ERBB4: variants seen among roughly 807,000 people sequenced by gnomAD.
ERBB4 encodes the protein receptor tyrosine-protein kinase erbB-4.
A neutral mutation model predicts 158.0 loss-of-function variants in ERBB4; 42 were observed. That is an observed-to-expected ratio of 0.27 (90% CI 0.21 to 0.34). The LOEUF (loss-of-function observed/expected upper bound fraction) is 0.34, where lower values mean the gene tolerates loss of function less well. Ranked by LOEUF, ERBB4 falls within the 10% of genes least tolerant of loss-of-function variation. The probability of loss-of-function intolerance (pLI) is 1.00; values close to 1 mark genes in which losing one functional copy is unlikely to be tolerated. For missense variants in ERBB4, 1,333 were observed against 1,624.1 expected, an observed-to-expected ratio of 0.82 and a Z score of 3.08; for synonymous variants, 583 against 558.7, an observed-to-expected ratio of 1.04 and a Z score of -0.61.
chr2:212,121,935 A>G (rs1437795444), intron 2 of ERBB4, among the ~76,000 whole-genome samples: 1 of 152,048 alleles, frequency 6.6e-6, no homozygotes, highest in African/African-American at 2.4e-5. Flanking sequence ...CTTTTCCTGA[A>G]TCCTTTAGAT....
At chr2:211,611,975 G>T (rs924521271) in intron 19 of ERBB4, among the ~76,000 whole-genome samples, 2 of 152,050 alleles carry the variant, frequency 1.3e-5, no homozygotes, top group African/African-American at 4.8e-5. Context: ...CCTCCTCAAA[G>T]GGTTTTCAGA....
Position 211,387,005 on chromosome 2 carries a change from G to A in ERBB4, c.3329C>T (p.Thr1110Ile), listed in dbSNP as rs759088587. Reference sequence around the variant, plus strand: ...ATGGGGTGCCACTGGCTTGCGTAGGGTGCCATTACAGCAGGAGTCATCAAA... The same window carrying A: ...ATGGGGTGCCACTGGCTTGCGTAGGATGCCATTACAGCAGGAGTCATCAAA... The part of the protein sequence containing the change: ...EIFDDSCCNG[T>I]LRKPVAPHVQ... The change falls in exon 27 of 28, where the codon ACC becomes ATC. Residue 1110 changes from threonine to isoleucine, a missense_variant. Thr to Ile is a moderately conservative substitution (Grantham distance 89). Coordinates refer to ENST00000342788, the MANE Select transcript of ERBB4 (RefSeq NM_005235.3). The A allele has an allele frequency of 1.2e-6, 2 of 1,614,042 alleles. No homozygotes were observed. The highest frequency in any genetic ancestry group is 2.2e-5 in the South Asian group (2 of 91,072).
At chr2:211,602,528 C>G (rs996348161) in intron 19 of ERBB4, among the ~76,000 whole-genome samples, 3 of 152,064 alleles carry the variant, frequency 2.0e-5, no homozygotes, top group Admixed American at 2.0e-4. Context: ...TTTCTCCTAC[C>G]CCCTGGCCAA....
chr2:212,103,618 A>G (rs67300756), intron 2 of ERBB4, among the ~76,000 whole-genome samples: 15,892 of 151,932 alleles, frequency 0.1, 1,754 homozygotes, highest in East Asian at 0.62. Context: ...GAGGACATAC[A>G]CCAAATTTTA....
At chr2:212,258,568 C>A (rs373663171) in intron 1 of ERBB4, among the ~76,000 whole-genome samples, 32 of 149,070 alleles carry the variant, frequency 2.1e-4, no homozygotes, top group Middle Eastern at 7.2e-3. Context: ...TTCATTCCAA[C>A]AAGCCAGGGA....
Position 211,420,472 on chromosome 2 carries a change from T to C in ERBB4, c.3104A>G (p.Tyr1035Cys). The C allele has an allele frequency of 6.2e-7, 1 of 1,612,404 alleles. No individual in the cohort carries two copies. The highest frequency in any genetic ancestry group is 8.5e-7 in the Non-Finnish European group (1 of 1,178,744). ...CGAGTCAATTCTTGCTCTGGAAGTA[T>C]AGATGGGAGGTGGGATGTTGAAAGC... ...PQAFNIPPPI[Y>C]TSRARIDSNR... The change falls in exon 25 of 28, where the codon TAT becomes TGT. Residue 1035 changes from tyrosine (Y) to cysteine (C), a missense_variant. Tyr to Cys is a radical substitution (Grantham distance 194). Transcript: ENST00000342788.
At chr2:212,371,779 C>A (rs888509042) in intron 1 of ERBB4, among the ~76,000 whole-genome samples, 36 of 152,210 alleles carry the variant, frequency 2.4e-4, no homozygotes, top group African/African-American at 8.2e-4. Context: ...TTACTCCAAA[C>A]CATGAAAAGT....
At position 211,562,104 on chromosome 2, in the gene ERBB4, G is replaced by T; in HGVS notation, c.2302-16C>A. ...TCAGAGCTTCCTGTAAGAAAAAAAT[G>T]CAATACCATGATTTCAACTCAAATT... On this transcript the variant is annotated splice_polypyrimidine_tract_variant and intron_variant, in intron 19 of 27. Coordinates refer to ENST00000342788, the MANE Select transcript of ERBB4 (RefSeq NM_005235.3). 6.2e-7 allele frequency: 1 copy of T among 1,607,678 alleles called. No homozygotes were observed. The highest frequency in any genetic ancestry group is 8.5e-7 in the Non-Finnish European group (1 of 1,177,940).
chr2:211,421,667 C>T (rs967599122), intron 24 of ERBB4, among the ~76,000 whole-genome samples: 5 of 151,374 alleles, frequency 3.3e-5, no homozygotes, highest in African/African-American at 7.3e-5. Flanking sequence ...CCTTTTGTTC[C>T]GAAAAAAGAA....
chr2:211,682,589 T>A (rs35043628), intron 12 of ERBB4, among the ~76,000 whole-genome samples: 41,446 of 152,150 alleles, frequency 0.27, 7,154 homozygotes, highest in East Asian at 0.88. Flanking sequence ...AGTTTTTGTA[T>A]ATGGATATTC....
intron 20 of ERBB4, among the ~76,000 whole-genome samples, chr2:211,468,917 C>A (rs1175534225): frequency 1.0e-3 from 141 of 135,046 alleles, no homozygotes; most frequent in South Asian, 2.4e-3. Context: ...TCTTCTGCTT[C>A]AAAAAAAAAA....
chr2:211,427,246 A>G (rs1278786622), intron 22 of ERBB4, among the ~76,000 whole-genome samples: 1 of 152,112 alleles, frequency 6.6e-6, no homozygotes, highest in African/African-American at 2.4e-5. Context: ...AAAAAAGGTA[A>G]AACTTTTTTT....
chr2:211,765,950 A>T (rs866050191), intron 4 of ERBB4, among the ~76,000 whole-genome samples: 1 of 152,310 alleles, frequency 6.6e-6, no homozygotes, highest in South Asian at 2.1e-4. Context: ...CTAGATCAAC[A>T]TTTTTGTTTA....
intron 20 of ERBB4, among the ~76,000 whole-genome samples, chr2:211,432,742 C>T (rs1172914326): frequency 6.6e-6 from 1 of 151,902 alleles, no homozygotes; most frequent in East Asian, 1.9e-4. Context: ...TATCAGAACA[C>T]GGAATATATG....
At chr2:211,449,066 T>A (rs1002365283) in intron 20 of ERBB4, among the ~76,000 whole-genome samples, 33 of 152,234 alleles carry the variant, frequency 2.2e-4, no homozygotes, top group African/African-American at 7.7e-4. Flanking sequence ...GTCTAGATAT[T>A]AATACTGATT....
At chr2:211,777,265 A>C (rs72948529) in intron 4 of ERBB4, 21,002 of 152,178 alleles carry the variant, frequency 0.14, 1,905 homozygotes, top group Non-Finnish European at 0.21. Context: ...AAATCTTCCC[A>C]TCAACAAACC....
intron 1 of ERBB4, among the ~76,000 whole-genome samples, chr2:212,166,542 C>G (rs1177537892): frequency 6.7e-6 from 1 of 149,710 alleles, no homozygotes; most frequent in African/African-American, 2.5e-5. Context: ...TTGACATTCC[C>G]ATCAAACTAC....
At chr2:211,978,141 C>A (rs1324748191) in intron 2 of ERBB4, among the ~76,000 whole-genome samples, 1 of 151,790 alleles carries the variant, frequency 6.6e-6, no homozygotes, top group Non-Finnish European at 1.5e-5. Context: ...CACCAGAATA[C>A]ATAAATTTCC....
chr2:211,857,981 G>A (rs2077914689), intron 3 of ERBB4, among the ~76,000 whole-genome samples: 1 of 152,214 alleles, frequency 6.6e-6, no homozygotes, highest in South Asian at 2.1e-4. Flanking sequence ...ATTATTAATA[G>A]ATGGCACGAT....
Sources: allele counts gnomAD v4.1 joint callset (sites outside exome capture counted in the v4.1 genomes callset), GRCh38; gene constraint gnomAD v4.1.1; transcripts MANE v1.5; gene names NCBI Gene and HGNC (gene_info 2026-07-23, HGNC 2026-07-21).